IRAK2: variants seen among roughly 807,000 people sequenced by gnomAD.
The protein encoded by IRAK2 is interleukin-1 receptor-associated kinase-like 2.
In IRAK2, 57 loss-of-function variants were observed where a neutral mutation model predicts 72.0. The ratio of observed to expected loss-of-function variants is 0.79; its 90% confidence interval spans 0.64 to 0.99. The LOEUF (loss-of-function observed/expected upper bound fraction) is 0.99. Ranked by LOEUF, IRAK2 falls within the 50% of genes least tolerant of loss-of-function variation. IRAK2 has a pLI of 0.00. For missense variants in IRAK2, 790 were observed against 794.4 expected, an observed-to-expected ratio of 0.99 and a Z score of 0.07; for synonymous variants, 293 against 312.7, an observed-to-expected ratio of 0.94 and a Z score of 0.67.
chr3:10,175,756 G>T (rs1468625351), intron 1 of IRAK2, among the ~76,000 whole-genome samples: 2 of 151,902 alleles, frequency 1.3e-5, no homozygotes. Context: ...CAGGCGTGGT[G>T]GTGGGCGCCT....
At chr3:10,190,072 T>C (rs970082342) in intron 2 of IRAK2, among the ~76,000 whole-genome samples, 1 of 151,382 alleles carries the variant, frequency 6.6e-6, no homozygotes, top group Admixed American at 6.6e-5. Flanking sequence ...GCTCAGAGAT[T>C]AAGTAATTTC....
intron 2 of IRAK2, among the ~76,000 whole-genome samples, chr3:10,181,298 G>A (rs941660015): frequency 2.6e-5 from 4 of 151,862 alleles, no homozygotes; most frequent in African/African-American, 7.3e-5. Flanking sequence ...AATATGGAGT[G>A]ACTTTGTGTT....
intron 4 of IRAK2, 105 bp downstream of exon 4, chr3:10,209,797 G>A: frequency 1.7e-6 from 1 of 575,442 alleles, no homozygotes; most frequent in South Asian, 4.4e-5. Flanking sequence ...TAAGGGTGGA[G>A]AGGAGAAAGG....
intron 10 of IRAK2, among the ~76,000 whole-genome samples, chr3:10,228,903 G>A (rs1052820703): frequency 6.6e-6 from 1 of 152,038 alleles, no homozygotes; most frequent in Non-Finnish European, 1.5e-5. Flanking sequence ...CACATGTGAG[G>A]AGAGGCAGAT....
intron 2 of IRAK2, among the ~76,000 whole-genome samples, chr3:10,196,359 CCCT>C (rs1386321741): frequency 6.6e-6 from 1 of 152,218 alleles, no homozygotes; most frequent in South Asian, 2.1e-4. Flanking sequence ...AGGTGATCTG[CCCT>C]CCTTGGCCTC....
rs567678884 is a variant in IRAK2, at chr3:10,184,879, G to A, written c.277+6859G>A. The stretch of plus-strand genomic sequence containing the variant: ...CGAGTAGCTGGGACTACAGGCGCCC[G>A]CCACCATGCCCGGCTATTTTTTTAT... On this transcript the variant is annotated intron_variant, in intron 2 of 12. Transcript: ENST00000256458. Among the ~76,000 whole-genome samples, 304 of 149,484 alleles carry A rather than the reference G, an allele frequency of 2.0e-3. 4 individuals are homozygous for A. Among genetic ancestry groups the A allele is most frequent in the African/African-American group, 2.7e-3 (105 of 39,312 alleles).
intron 6 of IRAK2, among the ~76,000 whole-genome samples, chr3:10,214,962 T>G (rs1041088289): frequency 2.0e-5 from 3 of 151,714 alleles, no homozygotes; most frequent in African/African-American, 7.3e-5. Flanking sequence ...GGTGTGGTGG[T>G]GTATGCCTGC....
chr3:10,238,390 C>T (rs1452067545), intron 11 of IRAK2, among the ~76,000 whole-genome samples: 2 of 152,102 alleles, frequency 1.3e-5, no homozygotes, highest in African/African-American at 4.8e-5. Context: ...TCTGGTTCTA[C>T]CACTAGAGAG....
chr3:10,218,804 A>G (rs1393344361), intron 7 of IRAK2, among the ~76,000 whole-genome samples: 3 of 152,234 alleles, frequency 2.0e-5, no homozygotes. Flanking sequence ...TTTATACCCA[A>G]GGAAACTGAG....
chr3:10,201,242 C>G (rs1335918042), intron 3 of IRAK2, among the ~76,000 whole-genome samples: 2 of 152,208 alleles, frequency 1.3e-5, no homozygotes, highest in African/African-American at 4.8e-5. Context: ...AAAACTAAAG[C>G]ACAGCGAGGT....
intron 10 of IRAK2, among the ~76,000 whole-genome samples, chr3:10,228,438 G>C (rs1256751625): frequency 6.6e-6 from 1 of 152,102 alleles, no homozygotes; most frequent in Non-Finnish European, 1.5e-5. Flanking sequence ...GTTTGGGGCT[G>C]TTTGGGGGCA....
intron 2 of IRAK2, among the ~76,000 whole-genome samples, chr3:10,196,741 C>G (rs1180085490): frequency 2.6e-5 from 4 of 152,184 alleles, no homozygotes; most frequent in Non-Finnish European, 5.9e-5. Flanking sequence ...GGTCTTGTTC[C>G]CCGCTGAGCC....
intron 7 of IRAK2, 138 bp downstream of exon 7, chr3:10,217,186 G>C: frequency 1.6e-6 from 1 of 644,794 alleles, no homozygotes; most frequent in Non-Finnish European, 2.8e-6. Flanking sequence ...AGAGAAGTGG[G>C]GCCAGGATAC....
chr3:10,222,459 T>C (rs141876836), intron 8 of IRAK2, among the ~76,000 whole-genome samples, 177 bp from the exon 9 acceptor site: 1 of 152,250 alleles, frequency 6.6e-6, no homozygotes, highest in Non-Finnish European at 1.5e-5. Flanking sequence ...GGGAGTGTGC[T>C]CCTGATGCCC....
At chr3:10,234,414 A>C in intron 10 of IRAK2, 45 bp from the exon 11 acceptor site, 1 of 1,558,282 alleles carries the variant, frequency 6.4e-7, no homozygotes, top group Non-Finnish European at 8.8e-7. Flanking sequence ...TGGCTCTCGC[A>C]GCTCTGCAGC....
At chr3:10,217,142 G>T in intron 7 of IRAK2, 94 bp downstream of exon 7, 1 of 859,206 alleles carries the variant, frequency 1.2e-6, no homozygotes, top group East Asian at 2.4e-5. Context: ...GAGGGGAGAG[G>T]GGCCATCTAG....
intron 4 of IRAK2, among the ~76,000 whole-genome samples, chr3:10,212,763 CTTTTT>C (rs543464447): frequency 1.6e-5 from 2 of 125,978 alleles, no homozygotes; most frequent in Non-Finnish European, 3.3e-5. Context: ...TATCCATGTC[CTTTTT>C]TTTTTTTTTT....
At chr3:10,185,256 A>T (rs2125145627) in intron 2 of IRAK2, among the ~76,000 whole-genome samples, 1 of 151,282 alleles carries the variant, frequency 6.6e-6, no homozygotes, top group East Asian at 2.0e-4. Context: ...ATGCACCTTG[A>T]AGTTTAAGAA....
chr3:10,200,366 C>T lies in IRAK2; in HGVS notation c.278-3C>T. ...AATAACTTTCTTTCCACCTTGTTTT[C>T]AGGGAAACCGGCTCCTGAAATCAGG... On this transcript the variant is annotated splice_region_variant and splice_polypyrimidine_tract_variant and intron_variant, in intron 2 of 12. Transcript: ENST00000256458. The T allele has an allele frequency of 6.3e-7, 1 of 1,579,824 alleles. No homozygotes were observed. Among genetic ancestry groups the T allele is most frequent in the Non-Finnish European group, 8.6e-7 (1 of 1,159,502 alleles).
Sources: allele counts gnomAD v4.1 joint callset (sites outside exome capture counted in the v4.1 genomes callset), GRCh38; gene constraint gnomAD v4.1.1; transcripts MANE v1.5; gene names NCBI Gene and HGNC (gene_info 2026-07-23, HGNC 2026-07-21).